SUPT3H: variants seen among roughly 807,000 people sequenced by gnomAD.
SUPT3H encodes transcription initiation protein SPT3 homolog.
A neutral mutation model predicts 44.3 loss-of-function variants in SUPT3H; 44 were observed. The observed-to-expected ratio is 0.99, with a 90% CI of 0.78 to 1.28. The LOEUF (loss-of-function observed/expected upper bound fraction) is 1.28, where lower values mean the gene tolerates loss of function less well. Among genes scored for constraint, SUPT3H ranks in the 50% most tolerant of loss-of-function variants. SUPT3H has a pLI of 0.00. For missense variants in SUPT3H, 380 were observed against 387.1 expected, an observed-to-expected ratio of 0.98 and a Z score of 0.15; for synonymous variants, 124 against 125.6, an observed-to-expected ratio of 0.99 and a Z score of 0.09.
chr6:45,359,955 A>G (rs140372065), intron 2 of SUPT3H, among the ~76,000 whole-genome samples: 2,669 of 152,284 alleles, frequency 0.018, 50 homozygotes, highest in South Asian at 0.085. Context: ...CAGGAGGATC[A>G]CCTGGTCCTT....
At chr6:44,933,529 C>T (rs1009313477) in intron 9 of SUPT3H, among the ~76,000 whole-genome samples, 2 of 152,060 alleles carry the variant, frequency 1.3e-5, no homozygotes, top group East Asian at 1.9e-4. Flanking sequence ...TCTCGGGCCT[C>T]GGTTTCCTCA....
intron 3 of SUPT3H, among the ~76,000 whole-genome samples, chr6:45,100,705 T>C (rs902148624): frequency 2.0e-5 from 3 of 152,158 alleles, no homozygotes; most frequent in African/African-American, 7.2e-5. Context: ...TTATAATTAA[T>C]AATACCAAAT....
intron 6 of SUPT3H, among the ~76,000 whole-genome samples, chr6:44,978,327 T>C (rs980184611): frequency 3.2e-4 from 48 of 152,316 alleles, no homozygotes; most frequent in African/African-American, 1.1e-3. Context: ...GATAAAGGAA[T>C]CTGAGACTCA....
chr6:45,140,123 T>TGGG (rs1804938349), intron 2 of SUPT3H, among the ~76,000 whole-genome samples: 1 of 152,030 alleles, frequency 6.6e-6, no homozygotes, highest in Non-Finnish European at 1.5e-5. Flanking sequence ...GTGAACTATA[T>TGGG]GATACAGCAG....
chr6:44,831,702 A>G (rs1768781543), intron 10 of SUPT3H, among the ~76,000 whole-genome samples: 1 of 152,188 alleles, frequency 6.6e-6, no homozygotes, highest in African/African-American at 2.4e-5. Context: ...ACAGTGTTGA[A>G]GTGAGCCTTG....
intron 2 of SUPT3H, among the ~76,000 whole-genome samples, chr6:45,151,332 A>G (rs1362206301): frequency 6.6e-6 from 1 of 152,152 alleles, no homozygotes; most frequent in Non-Finnish European, 1.5e-5. Context: ...TACAAACACT[A>G]TTCTAAATCT....
intron 2 of SUPT3H, among the ~76,000 whole-genome samples, chr6:45,179,883 G>T (rs1435203329): frequency 6.6e-6 from 1 of 152,024 alleles, no homozygotes; most frequent in Non-Finnish European, 1.5e-5. Context: ...AATTAGGCAG[G>T]AGGAAATAAA....
At chr6:44,949,321 A>T (rs1307167146) in intron 9 of SUPT3H, among the ~76,000 whole-genome samples, 3 of 152,152 alleles carry the variant, frequency 2.0e-5, no homozygotes, top group African/African-American at 4.8e-5. Context: ...GCACACCAAC[A>T]TGGCACATGT....
At chr6:44,969,996 T>C (rs903408545) in intron 6 of SUPT3H, among the ~76,000 whole-genome samples, 3 of 152,182 alleles carry the variant, frequency 2.0e-5, no homozygotes, top group Non-Finnish European at 2.9e-5. Flanking sequence ...GCATCAGTGA[T>C]TGAGAAACAC....
downstream of SUPT3H, among the ~76,000 whole-genome samples, chr6:44,825,662 G>T (rs1767688275): frequency 6.6e-6 from 1 of 151,872 alleles, no homozygotes; most frequent in South Asian, 2.1e-4. Flanking sequence ...AGCACATGGT[G>T]TGCTGTAATT....
chr6:45,158,247 A>G (rs1323423575), intron 2 of SUPT3H, among the ~76,000 whole-genome samples: 1 of 124,802 alleles, frequency 8.0e-6, no homozygotes, highest in African/African-American at 3.1e-5. Flanking sequence ...TAGATAGATA[A>G]TGCCTATATT....
chr6:45,030,193 T>G (rs1786695892), intron 3 of SUPT3H, among the ~76,000 whole-genome samples: 1 of 152,224 alleles, frequency 6.6e-6, no homozygotes, highest in Non-Finnish European at 1.5e-5. Flanking sequence ...CAACATAATA[T>G]ATAGTTATCC....
intron 6 of SUPT3H, among the ~76,000 whole-genome samples, chr6:44,968,098 AT>A (rs1215655269): frequency 3.3e-5 from 5 of 151,760 alleles, no homozygotes; most frequent in Non-Finnish European, 5.9e-5. Flanking sequence ...TGGCCAAAAA[AT>A]TTTTTTTAAT....
chr6:45,244,445 T>G (rs1407412918), intron 2 of SUPT3H, among the ~76,000 whole-genome samples: 1 of 152,130 alleles, frequency 6.6e-6, no homozygotes, highest in Admixed American at 6.6e-5. Context: ...TTAGGAAAAT[T>G]TTCCAATCTT....
At chr6:45,293,003 G>A (rs1780559908) in intron 2 of SUPT3H, among the ~76,000 whole-genome samples, 1 of 151,928 alleles carries the variant, frequency 6.6e-6, no homozygotes. Flanking sequence ...GATATATACA[G>A]AACATTCCAT....
intron 2 of SUPT3H, among the ~76,000 whole-genome samples, chr6:45,268,785 C>A (rs989168241): frequency 6.6e-6 from 1 of 152,108 alleles, no homozygotes; most frequent in Admixed American, 6.5e-5. Context: ...CTGAAAGAAA[C>A]TTATTTCAGA....
At chr6:45,237,990 TG>T (rs1245537986) in intron 2 of SUPT3H, among the ~76,000 whole-genome samples, 2 of 152,198 alleles carry the variant, frequency 1.3e-5, no homozygotes, top group Non-Finnish European at 2.9e-5. Context: ...TGAGCAAGAC[TG>T]TGAACACTTT....
chr6:45,353,655 T>C (rs567471622), intron 2 of SUPT3H, among the ~76,000 whole-genome samples: 2 of 151,780 alleles, frequency 1.3e-5, no homozygotes, highest in Non-Finnish European at 2.9e-5. Context: ...CCATAGAAAC[T>C]AAAAATATGA....
rs547807604 is a variant in SUPT3H at position 44,828,531 on chromosome 6, G to A, written c.*1285C>T. ...AAAATTGAAACAGTGTTTTTGAATC[G>A]CAACTATTACAATATAAGAAGGCAG... is the stretch of plus-strand genomic sequence containing the variant. On this transcript the variant is annotated 3_prime_UTR_variant, in exon 11 of 11. Transcript: ENST00000371459. Among the ~76,000 whole-genome samples the A allele has an allele frequency of 3.3e-5, 5 of 152,132 alleles. No homozygotes were observed. The highest frequency in any genetic ancestry group is 2.1e-4 in the South Asian group (1 of 4,824).
Sources: allele counts gnomAD v4.1 joint callset (sites outside exome capture counted in the v4.1 genomes callset), GRCh38; gene constraint gnomAD v4.1.1; transcripts MANE v1.5; gene names NCBI Gene and HGNC (gene_info 2026-07-23, HGNC 2026-07-21).